The following CCDC91 variants were observed in gnomAD, a reference collection of about 807,000 sequenced individuals.
The protein encoded by CCDC91 is coiled-coil domain-containing protein 91.
A neutral mutation model predicts 63.2 loss-of-function variants in CCDC91; 48 were observed. That is an observed-to-expected ratio of 0.76 (90% confidence interval 0.60 to 0.97). CCDC91 has a LOEUF of 0.97. Ranked by LOEUF, CCDC91 falls within the 50% of genes least tolerant of loss-of-function variation. The pLI is 0.00. For synonymous variants in CCDC91, 167 were observed against 165.8 expected, an observed-to-expected ratio of 1.01 and a Z score of -0.06; for missense variants, 500 against 494.6, an observed-to-expected ratio of 1.01 and a Z score of -0.10.
chr12:28,244,494 C>CTTTTTTTTTT (rs3064681), intron 1 of CCDC91, among the ~76,000 whole-genome samples: 3 of 38,426 alleles, frequency 7.8e-5, no homozygotes, highest in Admixed American at 4.1e-4. Flanking sequence ...TAGAAGAAGG[C>CTTTTTTTTTT]TTTTTTTTTT....
At chr12:28,324,740 C>A (rs1350171000) in intron 6 of CCDC91, among the ~76,000 whole-genome samples, 2 of 151,718 alleles carry the variant, frequency 1.3e-5, no homozygotes, top group African/African-American at 2.4e-5. Context: ...AGTTCATGTT[C>A]TGAAGTGTTT....
At chr12:28,259,569 C>T (rs1426175857) in intron 3 of CCDC91, 127 bp downstream of exon 3, 3 of 610,716 alleles carry the variant, frequency 4.9e-6, no homozygotes, top group Admixed American at 3.1e-5. Flanking sequence ...TGGAGTGATC[C>T]AGATTTACTC....
At chr12:28,216,437 A>T (rs1325847165) in intron 1 of CCDC91, among the ~76,000 whole-genome samples, 1 of 152,048 alleles carries the variant, frequency 6.6e-6, no homozygotes, top group Non-Finnish European at 1.5e-5. Flanking sequence ...TGCCTCAAAA[A>T]TATCACAGAA....
intron 11 of CCDC91, among the ~76,000 whole-genome samples, chr12:28,453,892 G>A (rs1246396733): frequency 6.6e-6 from 1 of 151,816 alleles, no homozygotes; most frequent in Non-Finnish European, 1.5e-5. Flanking sequence ...ACTTGAATTG[G>A]GTAAGAAGGC....
chr12:28,240,744 G>A (rs1945274822), intron 1 of CCDC91, among the ~76,000 whole-genome samples: 1 of 151,780 alleles, frequency 6.6e-6, no homozygotes, highest in Admixed American at 6.6e-5. Flanking sequence ...GTAGAGATGT[G>A]GCACAGTTTG....
At chr12:28,532,045 T>C (rs1941781040) in intron 12 of CCDC91, among the ~76,000 whole-genome samples, 1 of 152,034 alleles carries the variant, frequency 6.6e-6, no homozygotes, top group African/African-American at 2.4e-5. Flanking sequence ...GACTTGAATG[T>C]AGAGAGTGGG....
intron 12 of CCDC91, among the ~76,000 whole-genome samples, chr12:28,496,547 T>C (rs1349710768): frequency 6.6e-6 from 1 of 151,640 alleles, no homozygotes; most frequent in African/African-American, 2.4e-5. Context: ...CTACATTCTT[T>C]AGTAAAGTCT....
intron 3 of CCDC91, among the ~76,000 whole-genome samples, chr12:28,282,530 T>C (rs569755561): frequency 1.3e-5 from 2 of 152,138 alleles, no homozygotes; most frequent in Non-Finnish European, 2.9e-5. Context: ...CTTAGATTGA[T>C]TCTTTATCTT....
chr12:28,352,045 T>G (rs536914772), intron 6 of CCDC91, among the ~76,000 whole-genome samples: 5 of 152,338 alleles, frequency 3.3e-5, no homozygotes, highest in African/African-American at 9.6e-5. Flanking sequence ...AAGATGAATT[T>G]TTTTGTTTCT....
intron 8 of CCDC91, among the ~76,000 whole-genome samples, chr12:28,400,821 T>C (rs147986238): frequency 6.6e-6 from 1 of 152,262 alleles, no homozygotes; most frequent in East Asian, 1.9e-4. Flanking sequence ...AGAGTGACCT[T>C]TGCCCCAGTT....
intron 3 of CCDC91, among the ~76,000 whole-genome samples, chr12:28,299,840 T>C (rs1019373107): frequency 6.6e-6 from 1 of 151,586 alleles, no homozygotes. Context: ...TTTTATTCCC[T>C]CAACCTTTTT....
intron 8 of CCDC91, among the ~76,000 whole-genome samples, chr12:28,438,701 A>C (rs1275724989): frequency 6.6e-6 from 1 of 152,172 alleles, no homozygotes; most frequent in African/African-American, 2.4e-5. Context: ...AGAAAGCTGT[A>C]TGCATTCAGT....
At chr12:28,459,492 T>C (rs1046243395) in intron 11 of CCDC91, among the ~76,000 whole-genome samples, 2 of 152,152 alleles carry the variant, frequency 1.3e-5, no homozygotes, top group Non-Finnish European at 2.9e-5. Context: ...AGCTTTTAAT[T>C]GGAACATTTT....
chr12:28,501,842 C>G (rs1310699999), intron 12 of CCDC91, among the ~76,000 whole-genome samples: 1 of 150,832 alleles, frequency 6.6e-6, no homozygotes, highest in Non-Finnish European at 1.5e-5. Flanking sequence ...GTCCTGGACT[C>G]TTTTTGGTTG....
At position 28,407,632 on chromosome 12, in the gene CCDC91, C is replaced by A. The variant is rs138241792; in HGVS notation, c.762+16221C>A. 4.6e-5 allele frequency among the ~76,000 whole-genome samples: 7 copies of A among 152,236 alleles called. No homozygotes were observed. The East Asian group carries it at 1.4e-3, about 29-fold the overall frequency. ...ATAATCCACCAAGCAATTTCTACAA[C>A]AAGGCCTGTTGGTATGTTGATTTTG... is the stretch of plus-strand genomic sequence containing the variant. On this transcript the variant is annotated intron_variant, in intron 8 of 12. Coordinates refer to ENST00000536442, the MANE Select transcript of CCDC91 (RefSeq NM_018318.5).
At chr12:28,258,470 A>G (rs1946600597) in intron 2 of CCDC91, among the ~76,000 whole-genome samples, 1 of 152,024 alleles carries the variant, frequency 6.6e-6, no homozygotes, top group South Asian at 2.1e-4. Context: ...ATATTCATCA[A>G]ATTGATTCCT....
intron 1 of CCDC91, among the ~76,000 whole-genome samples, chr12:28,195,894 C>T (rs1226047253): frequency 6.6e-6 from 1 of 152,030 alleles, no homozygotes; most frequent in African/African-American, 2.4e-5. Context: ...CGCTTGAGCC[C>T]AGGAGTTCAA....
chr12:28,261,989 G>A (rs1477355119), intron 3 of CCDC91, among the ~76,000 whole-genome samples: 2 of 152,026 alleles, frequency 1.3e-5, no homozygotes. Flanking sequence ...CATGGTGCAT[G>A]TTTGCTCAGC....
At chr12:28,531,875 T>C (rs796507208) in intron 12 of CCDC91, among the ~76,000 whole-genome samples, 10 of 152,122 alleles carry the variant, frequency 6.6e-5, no homozygotes, top group African/African-American at 2.4e-4. Context: ...TTTGGTGGGG[T>C]ATGGAACTGA....
Sources: allele counts gnomAD v4.1 joint callset (sites outside exome capture counted in the v4.1 genomes callset), GRCh38; gene constraint gnomAD v4.1.1; transcripts MANE v1.5; gene names NCBI Gene and HGNC (gene_info 2026-07-23, HGNC 2026-07-21).